Variants in PDE1C observed in about 807,000 individuals in gnomAD.
PDE1C encodes dual specificity calcium/calmodulin-dependent 3',5'-cyclic nucleotide phosphodiesterase 1C.
Under a neutral mutation model 93.1 loss-of-function variants are expected in PDE1C, and 62 were observed. That is an observed-to-expected ratio of 0.67 (90% CI 0.54 to 0.82). The LOEUF is 0.82. Ranked by LOEUF, PDE1C falls within the 40% of genes least tolerant of loss-of-function variation. PDE1C has a pLI of 0.00. For synonymous variants in PDE1C, 325 were observed against 310.1 expected (o/e 1.05, Z -0.50); for missense variants, 742 against 884.6 (o/e 0.84, Z 2.04).
intron 1 of PDE1C, among the ~76,000 whole-genome samples, chr7:32,229,516 A>G (rs553374332): frequency 6.6e-6 from 1 of 152,188 alleles, no homozygotes; most frequent in Non-Finnish European, 1.5e-5. Flanking sequence ...GGTTGACTCT[A>G]AAGCCCTTTC....
chr7:32,078,238 A>G (rs1796464559), intron 3 of PDE1C, among the ~76,000 whole-genome samples: 1 of 152,226 alleles, frequency 6.6e-6, no homozygotes, highest in Non-Finnish European at 1.5e-5. Context: ...AGGAACGAGC[A>G]GCTCAATCAC....
intron 2 of PDE1C, among the ~76,000 whole-genome samples, chr7:32,016,065 T>C (rs1392236752): frequency 6.6e-6 from 1 of 152,212 alleles, no homozygotes; most frequent in Non-Finnish European, 1.5e-5. Context: ...TCTCTAGGAA[T>C]TTCTGCAGAC....
chr7:31,886,149 C>T (rs1218309556), intron 2 of PDE1C, among the ~76,000 whole-genome samples: 5 of 152,172 alleles, frequency 3.3e-5, no homozygotes, highest in Admixed American at 6.5e-5. Flanking sequence ...GCCCTAAAAA[C>T]TCATTTGAAT....
intron 1 of PDE1C, among the ~76,000 whole-genome samples, chr7:32,064,298 A>G (rs1319265981): frequency 6.6e-6 from 1 of 152,134 alleles, no homozygotes; most frequent in East Asian, 1.9e-4. Context: ...TCTATACCCA[A>G]GTTTATCATT....
intron 2 of PDE1C, among the ~76,000 whole-genome samples, chr7:31,934,626 G>C (rs1362770878): frequency 6.6e-6 from 1 of 151,496 alleles, no homozygotes; most frequent in Non-Finnish European, 1.5e-5. Context: ...CGGCAAAACT[G>C]TCTGACTCTT....
intron 17 of PDE1C, among the ~76,000 whole-genome samples, chr7:31,763,393 A>G (rs1004515720): frequency 3.3e-5 from 5 of 152,176 alleles, no homozygotes; most frequent in Admixed American, 3.3e-4. Context: ...ACAGGATCTT[A>G]GTGCTAAGGT....
rs745379236 is a variant in PDE1C at position 31,775,715 on chromosome 7, G to A, written c.1909C>T (p.His637Tyr). ...KKTDGTKQRSHGSPAPSTSST... is the reference protein window; with the variant it reads ...KKTDGTKQRSYGSPAPSTSST... ...CTGGTGCTTGGGGCTGGTGAGCCGT[G>A]AGAACGCTGTTTTGTGCCTGTGAAG... Residue 637 changes from histidine to tyrosine, a missense_variant, in exon 17 of 18, where the codon CAC (histidine) becomes TAC (tyrosine). Coordinates refer to ENST00000396191, the MANE Select transcript of PDE1C (RefSeq NM_001191057.4). 8.7e-6 allele frequency: 14 copies of A among 1,612,852 alleles called. No homozygotes were observed. The South Asian group carries it at 1.5e-4, about 18-fold the overall frequency.
chr7:32,348,563 C>G (rs1459290504), intron 1 of PDE1C, among the ~76,000 whole-genome samples: 2 of 151,916 alleles, frequency 1.3e-5, no homozygotes, highest in African/African-American at 4.8e-5. Context: ...CAGGGTTTCA[C>G]CATGTTAGCC....
chr7:32,107,517 A>C (rs1798391336), intron 3 of PDE1C, among the ~76,000 whole-genome samples: 1 of 152,364 alleles, frequency 6.6e-6, no homozygotes, highest in East Asian at 1.9e-4. Context: ...AAAAGCAAAC[A>C]AAGTCAAAAA....
intron 2 of PDE1C, among the ~76,000 whole-genome samples, chr7:31,948,624 C>T (rs1237764190): frequency 6.6e-6 from 1 of 151,982 alleles, no homozygotes; most frequent in Non-Finnish European, 1.5e-5. Context: ...CTTAATTGTC[C>T]CTGTCATTGA....
intron 1 of PDE1C, among the ~76,000 whole-genome samples, chr7:32,356,070 A>G (rs954737050): frequency 6.6e-6 from 1 of 152,246 alleles, no homozygotes; most frequent in Non-Finnish European, 1.5e-5. Flanking sequence ...AGAGTAGACA[A>G]TGGAGAAACC....
At chr7:31,731,580 G>A in the PDE1C span, among the ~76,000 whole-genome samples, 2 of 152,140 alleles carry the variant, frequency 1.3e-5, no homozygotes, top group Non-Finnish European at 2.9e-5. Flanking sequence ...AGTAGAGATG[G>A]AATTTCACCA....
At chr7:32,199,948 A>C (rs1220536804) in intron 2 of PDE1C, among the ~76,000 whole-genome samples, 3 of 152,200 alleles carry the variant, frequency 2.0e-5, no homozygotes, top group African/African-American at 7.2e-5. Flanking sequence ...AATACTGTGT[A>C]ATGTTACCTT....
intron 2 of PDE1C, among the ~76,000 whole-genome samples, chr7:32,176,832 G>A (rs866408147): frequency 2.0e-5 from 3 of 152,044 alleles, no homozygotes; most frequent in South Asian, 4.2e-4. Context: ...CCATAATGAG[G>A]GTGTTGGGAA....
At chr7:32,219,260 A>G (rs1317625561) in intron 1 of PDE1C, among the ~76,000 whole-genome samples, 1 of 152,140 alleles carries the variant, frequency 6.6e-6, no homozygotes, top group Admixed American at 6.6e-5. Context: ...GGTGGAGAGG[A>G]TGATGGAGTC....
the PDE1C span, among the ~76,000 whole-genome samples, chr7:31,740,987 T>C: frequency 1.3e-5 from 2 of 152,010 alleles, no homozygotes; most frequent in African/African-American, 4.8e-5. Flanking sequence ...GAGGATCTCT[T>C]GAGTCTAGGA....
chr7:31,619,447 C>A, the PDE1C span, among the ~76,000 whole-genome samples: 1 of 152,096 alleles, frequency 6.6e-6, no homozygotes, highest in Non-Finnish European at 1.5e-5. Flanking sequence ...ATTGTTTCAA[C>A]TGTATGTGTA....
At chr7:31,805,778 A>T (rs1786746230) in intron 16 of PDE1C, among the ~76,000 whole-genome samples, 1 of 151,584 alleles carries the variant, frequency 6.6e-6, no homozygotes, top group Admixed American at 6.6e-5. Flanking sequence ...CAACTTCTTA[A>T]CTCAGAGAGT....
intron 1 of PDE1C, among the ~76,000 whole-genome samples, chr7:32,269,865 T>C (rs1258133556): frequency 6.6e-6 from 1 of 152,210 alleles, no homozygotes; most frequent in Non-Finnish European, 1.5e-5. Context: ...GCTTGAACTC[T>C]TGGGCTCAAA....
Sources: gnomAD v4.1 joint callset for allele counts (sites outside exome capture counted in the v4.1 genomes callset) on GRCh38, gnomAD v4.1.1 for gene constraint, MANE v1.5 for transcripts, NCBI Gene and HGNC (gene_info 2026-07-23, HGNC 2026-07-21) for gene names.